The following ZMYM2 variants were observed in gnomAD, a reference collection of about 807,000 sequenced individuals.
The protein encoded by ZMYM2 is zinc finger MYM-type containing 2, also known as zinc finger MYM-type protein 2.
A neutral mutation model predicts 162.8 loss-of-function variants in ZMYM2; 56 were observed. The observed-to-expected ratio is 0.34, with a 90% CI of 0.28 to 0.43. The LOEUF (loss-of-function observed/expected upper bound fraction) is 0.43. ZMYM2 is among the 20% of genes least tolerant of loss of function. The pLI is 1.00. For missense variants in ZMYM2, 1,275 were observed against 1,621.8 expected, an observed-to-expected ratio of 0.79 and a Z score of 3.67; for synonymous variants, 510 against 541.6, an observed-to-expected ratio of 0.94 and a Z score of 0.81.
At position 20,067,158 on chromosome 13, in the gene ZMYM2, C is replaced by A. The variant is rs562251208; in HGVS notation, c.3302-81C>A. 6 of 1,400,906 alleles carry A rather than the reference C, an allele frequency of 4.3e-6. No individual in the cohort carries two copies. In the African/African-American group the frequency reaches 5.8e-5, roughly 14 times the overall value. 86.8% of individuals were successfully genotyped at this position (1,400,906 alleles called of 1,614,324 possible). The stretch of plus-strand genomic sequence containing the variant: ...ATTTTATTTTACTTCAGAGCTCTTA[C>A]AAAGAATAACGTCAGAAAGTTTCTT... On this transcript the variant is annotated intron_variant, in intron 20 of 24. Transcript: ENST00000610343.
Position 20,086,025 on chromosome 13 carries a change from T to C in ZMYM2, c.*11T>C. 6.2e-7 allele frequency: 1 copy of C among 1,611,606 alleles called. No homozygotes were observed. The highest frequency in any genetic ancestry group is 8.5e-7 in the Non-Finnish European group (1 of 1,178,898). On this transcript the variant is annotated 3_prime_UTR_variant, in exon 25 of 25. Transcript: ENST00000610343. ...GAAGACACAGACTAAAAAGGAACGT[T>C]GCAGAAGCAATCGGGATAAAACAGC...
chr13:20,051,376 T>A (rs1208147016), intron 12 of ZMYM2, 57 bp from the exon 13 acceptor site: 1 of 1,578,748 alleles, frequency 6.3e-7, no homozygotes. Flanking sequence ...ACTGATAAAC[T>A]TCTGGAAATC....
At chr13:20,030,994 G>A (rs537019486) in intron 9 of ZMYM2, among the ~76,000 whole-genome samples, 32 of 152,214 alleles carry the variant, frequency 2.1e-4, no homozygotes, top group African/African-American at 7.0e-4. Flanking sequence ...AGTTCAGAAC[G>A]TGGGCAACTT....
At chr13:20,015,133 A>G (rs1013930241) in intron 6 of ZMYM2, among the ~76,000 whole-genome samples, 1 of 152,160 alleles carries the variant, frequency 6.6e-6, no homozygotes, top group African/African-American at 2.4e-5. Context: ...TTTAAGTTGC[A>G]TCTCATAACT....
intron 14 of ZMYM2, among the ~76,000 whole-genome samples, chr13:20,057,037 A>C (rs1324274041): frequency 6.6e-6 from 1 of 152,170 alleles, no homozygotes; most frequent in Non-Finnish European, 1.5e-5. Flanking sequence ...GTCAGACCAC[A>C]CAGCGCAGTA....
chr13:19,997,989 T>C (rs992697406), intron 3 of ZMYM2, among the ~76,000 whole-genome samples: 1 of 152,196 alleles, frequency 6.6e-6, no homozygotes, highest in African/African-American at 2.4e-5. Context: ...TTAGGAATAT[T>C]GCTGGATCAA....
chr13:19,915,256 C>T, the ZMYM2 span, among the ~76,000 whole-genome samples: 1 of 151,222 alleles, frequency 6.6e-6, no homozygotes, highest in African/African-American at 2.4e-5. Flanking sequence ...CCACCATGCC[C>T]AGGCTTTTAA....
At chr13:20,073,746 A>G (rs1306274956) in intron 21 of ZMYM2, among the ~76,000 whole-genome samples, 1 of 152,218 alleles carries the variant, frequency 6.6e-6, no homozygotes, top group African/African-American at 2.4e-5. Context: ...TATTTAAATA[A>G]TTAGGACTTC....
chr13:20,045,308 T>A (rs1954668488), intron 12 of ZMYM2, among the ~76,000 whole-genome samples: 1 of 152,170 alleles, frequency 6.6e-6, no homozygotes, highest in African/African-American at 2.4e-5. Context: ...AGTTAAGAGC[T>A]GTAAAGTAAT....
intron 2 of ZMYM2, among the ~76,000 whole-genome samples, chr13:19,986,830 C>T (rs1024544737): frequency 1.3e-4 from 20 of 151,804 alleles, no homozygotes; most frequent in Non-Finnish European, 2.2e-4. Context: ...CAGCGGGGCA[C>T]GGTGGCTCAC....
intron 2 of ZMYM2, among the ~76,000 whole-genome samples, chr13:19,962,510 TA>T (rs1566159222): frequency 1.2e-4 from 7 of 60,628 alleles, no homozygotes; most frequent in Non-Finnish European, 2.1e-4. Context: ...TATATATATA[TA>T]TATATTTTTT....
chr13:20,049,462 G>A (rs577237018), intron 12 of ZMYM2, among the ~76,000 whole-genome samples: 11 of 151,908 alleles, frequency 7.2e-5, no homozygotes, highest in Non-Finnish European at 1.5e-4. Flanking sequence ...CTAAGAGTCA[G>A]CATAGTACAT....
chr13:20,011,480 G>C (rs187964997), intron 6 of ZMYM2, among the ~76,000 whole-genome samples: 42 of 151,850 alleles, frequency 2.8e-4, no homozygotes, highest in East Asian at 1.4e-3. Context: ...TGCTCATTCT[G>C]TATATGTTTT....
chr13:19,941,697 A>G, the ZMYM2 span, among the ~76,000 whole-genome samples: 1 of 149,118 alleles, frequency 6.7e-6, no homozygotes, highest in Non-Finnish European at 1.5e-5. Context: ...GTACAGAAAC[A>G]ACTCCGGGCA....
chr13:20,053,908 A>G (rs1955577043), intron 14 of ZMYM2, among the ~76,000 whole-genome samples: 1 of 152,116 alleles, frequency 6.6e-6, no homozygotes, highest in Non-Finnish European at 1.5e-5. Context: ...AATACCAGAC[A>G]CTTTTATCCA....
chr13:19,907,761 C>CAAAAAA, the ZMYM2 span, among the ~76,000 whole-genome samples: 6 of 39,096 alleles, frequency 1.5e-4, 1 homozygote, highest in Admixed American at 4.5e-4. Context: ...GACTCTGTCT[C>CAAAAAA]AAAAAAAAAA....
chr13:19,931,033 G>T, the ZMYM2 span, among the ~76,000 whole-genome samples: 20 of 151,402 alleles, frequency 1.3e-4, 1 homozygote, highest in East Asian at 1.2e-3. Context: ...TAGCTACTTG[G>T]GGGGCTGAGG....
the ZMYM2 span, among the ~76,000 whole-genome samples, chr13:19,874,177 A>C: frequency 6.6e-6 from 1 of 152,094 alleles, no homozygotes; most frequent in Non-Finnish European, 1.5e-5. Context: ...AATACTTATG[A>C]ATCACCTATG....
chr13:19,923,663 CTTTTTTTTTTTTTTT>C, the ZMYM2 span, among the ~76,000 whole-genome samples: 1 of 72,040 alleles, frequency 1.4e-5, no homozygotes, highest in Non-Finnish European at 2.5e-5. Context: ...CCTGTAGGGA[CTTTTTTTTTTTTTTT>C]TTTTTTTTTT....
Sources: gnomAD v4.1 joint callset for allele counts (sites outside exome capture counted in the v4.1 genomes callset) on GRCh38, gnomAD v4.1.1 for gene constraint, MANE v1.5 for transcripts, NCBI Gene and HGNC (gene_info 2026-07-23, HGNC 2026-07-21) for gene names.